Variants in INPP5F observed in about 807,000 individuals in gnomAD.
The protein encoded by INPP5F is phosphatidylinositide 4-phosphatase SAC2.
A neutral mutation model predicts 137.2 loss-of-function variants in INPP5F; 97 were observed. The ratio of observed to expected loss-of-function variants is 0.71; its 90% CI spans 0.60 to 0.84. The LOEUF is 0.84. Among genes scored for constraint, INPP5F ranks in the 40% least tolerant of loss-of-function variants. The probability of loss-of-function intolerance (pLI) is 0.00; values close to 1 mark genes in which losing one functional copy is unlikely to be tolerated. For synonymous variants in INPP5F, 504 were observed against 476.9 expected, an observed-to-expected ratio of 1.06 and a Z score of -0.74; for missense variants, 1,271 against 1,371.9, an observed-to-expected ratio of 0.93 and a Z score of 1.16.
rs146994975 is a variant in INPP5F at position 119,826,751 on chromosome 10, G to C, written c.2370G>C (p.Gln790His). 1.3e-5 allele frequency: 21 copies of C among 1,613,726 alleles called. No homozygotes were observed. Among genetic ancestry groups the C allele is most frequent in the Non-Finnish European group, 1.8e-5 (21 of 1,179,940 alleles). Residue 790 changes from glutamine (Q) to histidine (H), a missense_variant, in exon 20 of 20, where the codon CAG becomes CAC. By Grantham distance (24) the Gln-to-His change is conservative. Around this residue, in one of 6 missense-constraint regions of INPP5F, gnomAD observed 490 missense variants for 443.7 expected, o/e 1.10. Coordinates refer to ENST00000650623, the MANE Select transcript of INPP5F (RefSeq NM_014937.4). ...CATCTCTAAATCAAAAAGTGAAGCAGACCAAATCCAATGTAAATATTGGCA... is the reference window on the plus strand; with the variant it reads ...CATCTCTAAATCAAAAAGTGAAGCACACCAAATCCAATGTAAATATTGGCA... ...KFSSLNQKVKQTKSNVNIGNL... is the reference protein window; with the variant it reads ...KFSSLNQKVKHTKSNVNIGNL...
chr10:119,751,043 G>A, intron 1 of INPP5F, 33 bp from the exon 2 acceptor site: 5 of 1,323,616 alleles, frequency 3.8e-6, no homozygotes, highest in Non-Finnish European at 5.5e-6. Context: ...TCTGGTGAAT[G>A]TTTTCTCATC....
rs374080908 is a variant in INPP5F, at chr10:119,737,560, GATT to G, written c.97+11202_97+11204del. 2.6e-3 allele frequency among the ~76,000 whole-genome samples: 398 copies of G among 152,328 alleles called. 1 individual carries two copies. Among genetic ancestry groups the G allele is most frequent in the African/African-American group, 8.7e-3 (363 of 41,586 alleles). Reference sequence around the variant, plus strand: ...AGCCAGCACTGATAACCCTGAATTAGATTTAAGACTGGGAAATCACCAGCTGCT... The same window carrying G: ...AGCCAGCACTGATAACCCTGAATTAGTAAGACTGGGAAATCACCAGCTGCT... On this transcript the variant is annotated intron_variant, in intron 1 of 19. Transcript: ENST00000650623.
chr10:119,748,407 G>T lies in INPP5F; in HGVS notation c.98-2669G>T, dbSNP rs995760764. ...TTTCCTCCTTGTTGCCCACAACCTG[G>T]TGAGCAGGGGGCGTGTTTTGGTCCT... On this transcript the variant is annotated intron_variant, in intron 1 of 19. Coordinates refer to ENST00000650623, the MANE Select transcript of INPP5F (RefSeq NM_014937.4). This position sits in a 1 kb window ranked among gnomAD's most constrained non-coding sequence, Gnocchi z 4.7. Among the ~76,000 whole-genome samples, 2 of 152,206 alleles carry T rather than the reference G, an allele frequency of 1.3e-5. No individual in the cohort carries two copies. Among genetic ancestry groups the T allele is most frequent in the African/African-American group, 4.8e-5 (2 of 41,454 alleles).
chr10:119,769,208 G>A (rs1252377350), intron 2 of INPP5F, among the ~76,000 whole-genome samples: 1 of 152,180 alleles, frequency 6.6e-6, no homozygotes, highest in East Asian at 1.9e-4. Flanking sequence ...ATGTCAATAG[G>A]ATGGTGAGCC....
chr10:119,754,577 C>G (rs1411485292), intron 2 of INPP5F, among the ~76,000 whole-genome samples: 4 of 152,088 alleles, frequency 2.6e-5, no homozygotes, highest in Non-Finnish European at 5.9e-5. Flanking sequence ...ATTTTTCATT[C>G]TCCTAATCCT....
intron 2 of INPP5F, among the ~76,000 whole-genome samples, chr10:119,778,092 T>C (rs1251343496): frequency 1.3e-5 from 2 of 152,110 alleles, no homozygotes; most frequent in East Asian, 1.9e-4. Flanking sequence ...CTGCAACCTC[T>C]GCCTCCCAAG....
At chr10:119,781,793 T>G (rs1435302603) in intron 3 of INPP5F, 22 bp downstream of exon 3, 6 of 1,566,316 alleles carry the variant, frequency 3.8e-6, no homozygotes, top group East Asian at 4.5e-5. Flanking sequence ...AAAGGGAAAT[T>G]ATATGGAAAC....
intron 1 of INPP5F, 128 bp downstream of exon 1, chr10:119,726,487 C>A: frequency 2.8e-6 from 1 of 363,312 alleles, no homozygotes; most frequent in Non-Finnish European, 4.5e-6. Flanking sequence ...GGGCGGGCTG[C>A]GAGCGCGCGA....
In INPP5F at chr10:119,810,810, G is replaced by A. The variant is rs148493405; in HGVS notation, c.1687+593G>A. On this transcript the variant is annotated intron_variant, in intron 14 of 19. Coordinates refer to ENST00000650623, the MANE Select transcript of INPP5F (RefSeq NM_014937.4). ...GAAGATGTTACTGTATAGGATTAAA[G>A]TAAATGCAGAGTGTTCTGGATTAGA... Among the ~76,000 whole-genome samples the A allele has an allele frequency of 3.1e-3, 477 of 152,312 alleles. 1 individual carries two copies. Among genetic ancestry groups the A allele is most frequent in the African/African-American group, 0.011 (457 of 41,572 alleles).
intron 2 of INPP5F, among the ~76,000 whole-genome samples, chr10:119,770,134 T>C (rs1428990246): frequency 6.6e-6 from 1 of 152,192 alleles, no homozygotes; most frequent in Non-Finnish European, 1.5e-5. Flanking sequence ...CTAATCAGTT[T>C]TTTTTATCTT....
chr10:119,737,046 C>T (rs1848234390), intron 1 of INPP5F, among the ~76,000 whole-genome samples: 1 of 152,118 alleles, frequency 6.6e-6, no homozygotes, highest in Non-Finnish European at 1.5e-5. Flanking sequence ...CCAGGCTGGT[C>T]TCAAACCCCT....
rs576933658 is a variant in INPP5F, at chr10:119,787,371, G to A, written c.316-4146G>A. 9.2e-5 allele frequency among the ~76,000 whole-genome samples: 14 copies of A among 152,242 alleles called. No individual in the cohort carries two copies. Among genetic ancestry groups the A allele is most frequent in the Admixed American group, 3.9e-4 (6 of 15,292 alleles). On this transcript the variant is annotated intron_variant, in intron 3 of 19. Coordinates refer to ENST00000650623, the MANE Select transcript of INPP5F (RefSeq NM_014937.4). This position sits in a 1 kb window ranked among gnomAD's most constrained non-coding sequence, Gnocchi z 4.1. ...AGGCCGAGGCAAGCAGATAACTTGA[G>A]GTCAGGAGTTCAAGACCAGCCTGGC... is the stretch of plus-strand genomic sequence containing the variant.
At position 119,811,911 on chromosome 10, in the gene INPP5F, TGAG is replaced by T. The variant is rs1402898592; in HGVS notation, c.1843_1845del (p.Glu615del). 3 of 1,612,082 alleles carry T rather than the reference TGAG, an allele frequency of 1.9e-6. No individual in the cohort carries two copies. Among genetic ancestry groups the T allele is most frequent in the East Asian group, 2.2e-5 (1 of 44,872 alleles). On this transcript the variant is annotated inframe_deletion, in exon 15 of 20. Coordinates refer to ENST00000650623, the MANE Select transcript of INPP5F (RefSeq NM_014937.4). ...ACATGAAGTTACTACTGCCTGATGA[TGAG>T]AAGTTCCATGGGGGCTGGGCCCTCA...
At chr10:119,791,264 G>A (rs1210722875) in intron 3 of INPP5F, among the ~76,000 whole-genome samples, 3 of 152,198 alleles carry the variant, frequency 2.0e-5, no homozygotes, top group Non-Finnish European at 4.4e-5. Flanking sequence ...CCGATTATGA[G>A]CCTAACCTGA....
At chr10:119,800,879 A>C (rs1314907314) in intron 9 of INPP5F, among the ~76,000 whole-genome samples, 1 of 150,870 alleles carries the variant, frequency 6.6e-6, no homozygotes, top group Non-Finnish European at 1.5e-5. Flanking sequence ...GAGCCCAGGA[A>C]GCGGAGGTTG....
intron 1 of INPP5F, among the ~76,000 whole-genome samples, chr10:119,731,948 G>T (rs762658743): frequency 2.0e-5 from 3 of 150,866 alleles, no homozygotes; most frequent in Admixed American, 6.6e-5. Flanking sequence ...GTATGACTAC[G>T]TTTATTTCCC....
intron 1 of INPP5F, among the ~76,000 whole-genome samples, chr10:119,736,139 G>A (rs1848209539): frequency 6.6e-6 from 1 of 152,186 alleles, no homozygotes; most frequent in South Asian, 2.1e-4. Context: ...TTTGGGGACA[G>A]CAAAAGGTGA....
At chr10:119,729,222 T>G (rs1370580363) in intron 1 of INPP5F, among the ~76,000 whole-genome samples, 1 of 152,098 alleles carries the variant, frequency 6.6e-6, no homozygotes, top group Non-Finnish European at 1.5e-5. Context: ...CTCGGCTCAC[T>G]GCAACCTCTG....
At chr10:119,823,362 C>A (rs1346357811) in intron 18 of INPP5F, among the ~76,000 whole-genome samples, 163 bp downstream of exon 18, 10 of 152,166 alleles carry the variant, frequency 6.6e-5, no homozygotes, top group Admixed American at 6.5e-4. Flanking sequence ...CTGTTTCCAG[C>A]AACCCAGGGA....
Sources: allele counts gnomAD v4.1 joint callset (sites outside exome capture counted in the v4.1 genomes callset), GRCh38; gene constraint gnomAD v4.1.1; regional missense constraint gnomAD v4.1.1; non-coding constraint Gnocchi (gnomAD v3.1); transcripts MANE v1.5; gene names NCBI Gene and HGNC (gene_info 2026-07-23, HGNC 2026-07-21).